OTUB1: variants seen among roughly 807,000 people sequenced by gnomAD.
The protein encoded by OTUB1 is ubiquitin thioesterase OTUB1.
In OTUB1, 10 loss-of-function variants were observed where a neutral mutation model predicts 35.8. The observed-to-expected ratio is 0.28, with a 90% CI of 0.17 to 0.47. The LOEUF is 0.47. OTUB1 is among the 20% of genes least tolerant of loss of function. OTUB1 has a pLI of 0.99. For synonymous variants in OTUB1, 158 were observed against 143.8 expected, an observed-to-expected ratio of 1.10 and a Z score of -0.71; for missense variants, 264 against 351.6, an observed-to-expected ratio of 0.75 and a Z score of 1.99.
intron 3 of OTUB1, chr11:63,989,484 T>C: frequency 6.6e-6 from 1 of 152,190 alleles, no homozygotes. Flanking sequence ...CCCAGCACTT[T>C]GGGAGGTTGA....
Position 63,986,443 on chromosome 11 carries a change from G to A in OTUB1, c.-14G>A, listed in dbSNP as rs1279781525. Reference sequence around the variant, plus strand: ...GCAACCCGGAAGCGGTCGGTAGTGCGGCGCTGTTTAAAGATGGCGGCGGAG... The same window carrying A: ...GCAACCCGGAAGCGGTCGGTAGTGCAGCGCTGTTTAAAGATGGCGGCGGAG... On this transcript the variant is annotated 5_prime_UTR_variant, in exon 1 of 7. Coordinates refer to ENST00000538426, the MANE Select transcript of OTUB1 (RefSeq NM_017670.3). 33 of 1,553,192 alleles carry A rather than the reference G, an allele frequency of 2.1e-5. No homozygotes were observed. Among genetic ancestry groups the A allele is most frequent in the Non-Finnish European group, 2.9e-5 (33 of 1,148,304 alleles).
rs75098589 is a variant in OTUB1 at position 63,991,256 on chromosome 11, C to T, written c.219+2504C>T. Among the ~76,000 whole-genome samples, 416 of 152,230 alleles carry T rather than the reference C, an allele frequency of 2.7e-3. 2 individuals are homozygous for T. Among genetic ancestry groups the T allele is most frequent in the African/African-American group, 9.6e-3 (399 of 41,522 alleles). On this transcript the variant is annotated intron_variant, in intron 3 of 6. Transcript: ENST00000538426. ...TGAGGGTTGAAGGAGATGTTACGGGCGGTTGTAAGCAGCGGGTTACAAAGC... is the reference window on the plus strand; with the variant it reads ...TGAGGGTTGAAGGAGATGTTACGGGTGGTTGTAAGCAGCGGGTTACAAAGC...
Position 63,997,867 on chromosome 11 carries a change from G to A in OTUB1, c.*321G>A. 1 of 658,586 alleles carries A rather than the reference G, an allele frequency of 1.5e-6. No homozygotes were observed. The highest frequency in any genetic ancestry group is 2.7e-6 in the Non-Finnish European group (1 of 364,552). The allele number at this position is 658,586 out of a possible 1,614,324, so 40.8% of individuals were successfully genotyped here. On this transcript the variant is annotated 3_prime_UTR_variant, in exon 7 of 7. Coordinates refer to ENST00000538426, the MANE Select transcript of OTUB1 (RefSeq NM_017670.3). ...TTGGAGGCCCCTCCTGCTTCGTTGG[G>A]TTCTGCTTCCTTCCCTTCTTAGCTG...
At chr11:63,990,601 T>TAAAAA (rs1213908511) in intron 3 of OTUB1, 7 of 132,662 alleles carry the variant, frequency 5.3e-5, no homozygotes, top group African/African-American at 1.8e-4. Flanking sequence ...AATAAAAAAA[T>TAAAAA]AAATAAATAA....
intron 4 of OTUB1, 72 bp from the exon 5 acceptor site, chr11:63,996,785 T>C (rs1266060237): frequency 6.2e-7 from 1 of 1,610,174 alleles, no homozygotes; most frequent in Non-Finnish European, 8.5e-7. Context: ...GGCGGGGCAG[T>C]GCTGTCTCGG....
intron 5 of OTUB1, 35 bp from the exon 6 acceptor site, chr11:63,997,015 C>G (rs781294078): frequency 1.9e-6 from 3 of 1,612,288 alleles, no homozygotes; most frequent in Non-Finnish European, 2.5e-6. Context: ...CATCTCCTCC[C>G]CGTCATCTTG....
Position 63,997,064 on chromosome 11 carries a change from T to C in OTUB1, c.438T>C (p.Ile146=), listed in dbSNP as rs1395908337. The C allele has an allele frequency of 6.2e-7, 1 of 1,614,068 alleles. No homozygotes were observed. The highest frequency in any genetic ancestry group is 1.1e-5 in the South Asian group (1 of 91,076). Residue 146 remains isoleucine (I), a synonymous_variant, in exon 6 of 7, where the codon ATT becomes ATC. Coordinates refer to ENST00000538426, the MANE Select transcript of OTUB1 (RefSeq NM_017670.3). ...EDFHNTFMDL[I]EQVEKQTSVA... ...CGTGGCTGCAGTTCATGGACCTGAT[T>C]GAGCAGGTGGAGAAGCAGACCTCTG...
intron 3 of OTUB1, among the ~76,000 whole-genome samples, chr11:63,994,232 G>A (rs1373565454): frequency 6.6e-6 from 1 of 152,154 alleles, no homozygotes; most frequent in Non-Finnish European, 1.5e-5. Flanking sequence ...CAGGCACAGT[G>A]GCTAAGTGTG....
chr11:63,995,285 T>G (rs908764535), intron 3 of OTUB1, among the ~76,000 whole-genome samples: 1 of 151,836 alleles, frequency 6.6e-6, no homozygotes, highest in African/African-American at 2.4e-5. Context: ...CAACCTCTGC[T>G]TCCCGGGTTC....
At position 63,998,175 on chromosome 11, in the gene OTUB1, T is replaced by TG. The variant is rs1942744664; in HGVS notation, c.*633dup. The TG allele has an allele frequency of 7.7e-6, 2 of 261,366 alleles. No homozygotes were observed. The highest frequency in any genetic ancestry group is 1.5e-5 in the Non-Finnish European group (2 of 134,148). 16.2% of individuals were successfully genotyped at this position (261,366 alleles called of 1,614,324 possible). A position where few individuals can be genotyped will look rare whatever the true frequency, so the allele number is the denominator to read the frequency against. ...TGGGGGAGGGCAGCCTTCAAACGTG[T>TG]GGGGTCTACAGTCCTCAGGTCTAGG... On this transcript the variant is annotated 3_prime_UTR_variant, in exon 7 of 7. Coordinates refer to ENST00000538426, the MANE Select transcript of OTUB1 (RefSeq NM_017670.3).
In OTUB1 at chr11:63,988,321, T is replaced by C. The variant is rs943719379; in HGVS notation, c.59-16T>C. 1 of 1,551,562 alleles carries C rather than the reference T, an allele frequency of 6.4e-7. No individual in the cohort carries two copies. The highest frequency in any genetic ancestry group is 2.0e-5 in the Admixed American group (1 of 50,992). On this transcript the variant is annotated splice_polypyrimidine_tract_variant and intron_variant, in intron 1 of 6. Coordinates refer to ENST00000538426, the MANE Select transcript of OTUB1 (RefSeq NM_017670.3). ...CCAGGACCCCCTGTAATCTTTGGCT[T>C]TTTTCCTTTTCCCAGGTGTTAACTG...
rs1037070263 is a variant in OTUB1, at chr11:63,997,862, G to C, written c.*316G>C. The C allele has an allele frequency of 1.5e-6, 1 of 669,318 alleles. No homozygotes were observed. The highest frequency in any genetic ancestry group is 2.7e-6 in the Non-Finnish European group (1 of 368,734). 41.5% of individuals were successfully genotyped at this position (669,318 alleles called of 1,614,324 possible). A position where few individuals can be genotyped will look rare whatever the true frequency, so the allele number is the denominator to read the frequency against. On this transcript the variant is annotated 3_prime_UTR_variant, in exon 7 of 7. Coordinates refer to ENST00000538426, the MANE Select transcript of OTUB1 (RefSeq NM_017670.3). ...GCCTCTTGGAGGCCCCTCCTGCTTC[G>C]TTGGGTTCTGCTTCCTTCCCTTCTT...
chr11:63,997,464 A>G lies in OTUB1; in HGVS notation c.734A>G (p.Asn245Ser), dbSNP rs765447237. Residue 245 changes from asparagine (N) to serine (S), a missense_variant, in exon 7 of 7, where the codon AAT becomes AGT. Around this residue, in one of 2 missense-constraint regions of OTUB1, gnomAD observed 214 missense variants for 317.1 expected, o/e 0.67. Transcript: ENST00000538426. ...YMDRGEGGTTNPHIFPEGSEP... is the reference protein window; with the variant it reads ...YMDRGEGGTTSPHIFPEGSEP... Reference sequence around the variant, plus strand: ...GACCGCGGCGAGGGCGGCACCACCAATCCGCACATCTTCCCTGAGGGCTCC... The same window carrying G: ...GACCGCGGCGAGGGCGGCACCACCAGTCCGCACATCTTCCCTGAGGGCTCC... The G allele has an allele frequency of 6.2e-7, 1 of 1,614,112 alleles. No homozygotes were observed. Among genetic ancestry groups the G allele is most frequent in the South Asian group, 1.1e-5 (1 of 91,090 alleles).
rs2134305379 is a variant in OTUB1, at chr11:63,988,981, T to C, written c.219+229T>C. ...GGGAGCCAAGATCACACCATTGCACTCCAGCCTGGGTGATAAGAGCAAAAC... is the reference window on the plus strand; with the variant it reads ...GGGAGCCAAGATCACACCATTGCACCCCAGCCTGGGTGATAAGAGCAAAAC... On this transcript the variant is annotated intron_variant, in intron 3 of 6. Coordinates refer to ENST00000538426, the MANE Select transcript of OTUB1 (RefSeq NM_017670.3). The C allele has an allele frequency of 1.3e-5, 5 of 389,862 alleles. No individual in the cohort carries two copies. The South Asian group carries it at 1.6e-4, about 13-fold the overall frequency. The allele number at this position is 389,862 out of a possible 1,614,324, so 24.2% of individuals were successfully genotyped here. A position where few individuals can be genotyped will look rare whatever the true frequency, so the allele number is the denominator to read the frequency against.
At chr11:63,986,661 C>A in intron 1 of OTUB1, 147 bp downstream of exon 1, 1 of 654,550 alleles carries the variant, frequency 1.5e-6, no homozygotes, top group South Asian at 2.0e-5. Flanking sequence ...TGCCTCCCCT[C>A]CCCCTCACAA....
At chr11:63,993,534 C>T (rs534050348) in intron 3 of OTUB1, among the ~76,000 whole-genome samples, 60 of 151,914 alleles carry the variant, frequency 3.9e-4, no homozygotes, top group Non-Finnish European at 7.4e-4. Context: ...CATAGTGGCG[C>T]GCGCCTGTAG....
rs1342041950 is a variant in OTUB1, at chr11:63,997,169, C to T, written c.543C>T (p.Gly181=). The change falls in exon 6 of 7, where the codon GGC becomes GGT. Residue 181 remains glycine, a synonymous_variant. Transcript: ENST00000538426. The part of the protein sequence containing the change: ...LVVYLRLLTS[G]YLQRESKFFE... The stretch of plus-strand genomic sequence containing the variant: ...TCTACCTGCGGCTGCTCACCTCGGG[C>T]TACCTGCAGCGCGAGAGCAAGTTCT... The T allele has an allele frequency of 2.2e-5, 35 of 1,614,236 alleles. No homozygotes were observed. The highest frequency in any genetic ancestry group is 2.9e-5 in the Non-Finnish European group (34 of 1,180,034).
chr11:63,990,067 T>G (rs955382329), intron 3 of OTUB1: 6 of 141,116 alleles, frequency 4.3e-5, no homozygotes, highest in African/African-American at 1.6e-4. Flanking sequence ...TTGAGGGAGG[T>G]GCAGGCTGGG....
chr11:63,995,259 C>T (rs1942706272), intron 3 of OTUB1, among the ~76,000 whole-genome samples: 1 of 151,982 alleles, frequency 6.6e-6, no homozygotes, highest in Non-Finnish European at 1.5e-5. Flanking sequence ...TGCGATGGCG[C>T]AATCTCGGCT....
Sources: gnomAD v4.1 joint callset for allele counts (sites outside exome capture counted in the v4.1 genomes callset) on GRCh38, gnomAD v4.1.1 for gene constraint, gnomAD v4.1.1 regional missense constraint, MANE v1.5 for transcripts, NCBI Gene and HGNC (gene_info 2026-07-23, HGNC 2026-07-21) for gene names.